Variants in LARS2 observed in about 807,000 individuals in gnomAD.
LARS2 encodes leucyl-tRNA synthetase 2, mitochondrial.
In LARS2, 81 loss-of-function variants were observed where a neutral mutation model predicts 116.6. The ratio of observed to expected loss-of-function variants is 0.69; its 90% confidence interval spans 0.58 to 0.84. The LOEUF (loss-of-function observed/expected upper bound fraction) is 0.84, where lower values mean the gene tolerates loss of function less well. Among genes scored for constraint, LARS2 ranks in the 40% least tolerant of loss-of-function variants. The pLI, the probability that LARS2 is intolerant of heterozygous loss-of-function variation, is 0.00. For synonymous variants in LARS2, 396 were observed against 407.2 expected, an observed-to-expected ratio of 0.97 and a Z score of 0.33; for missense variants, 968 against 1,114.5, an observed-to-expected ratio of 0.87 and a Z score of 1.87.
chr3:45,485,900 G>T, intron 11 of LARS2, 104 bp downstream of exon 11: 1 of 613,976 alleles, frequency 1.6e-6, no homozygotes, highest in South Asian at 2.2e-5. Flanking sequence ...TAGATTCCAT[G>T]GTCTGATTTG....
At chr3:45,512,201 T>C (rs1700301754) in intron 15 of LARS2, among the ~76,000 whole-genome samples, 1 of 152,160 alleles carries the variant, frequency 6.6e-6, no homozygotes, top group South Asian at 2.1e-4. Flanking sequence ...ACTGGTGATG[T>C]TTGTGGGGAA....
intron 6 of LARS2, among the ~76,000 whole-genome samples, chr3:45,420,021 A>G (rs2125688193): frequency 6.6e-6 from 1 of 152,380 alleles, no homozygotes; most frequent in Middle Eastern, 3.4e-3. Flanking sequence ...CAATAGTTTT[A>G]AAAGACTGTT....
chr3:45,452,426 G>A (rs1699149345), intron 7 of LARS2, among the ~76,000 whole-genome samples: 1 of 151,494 alleles, frequency 6.6e-6, no homozygotes. Context: ...TTTATTGAAT[G>A]CTTTTTTAGC....
chr3:45,412,068 C>T (rs1001882568), intron 4 of LARS2, among the ~76,000 whole-genome samples: 1 of 152,176 alleles, frequency 6.6e-6, no homozygotes, highest in Non-Finnish European at 1.5e-5. Flanking sequence ...AAACGTACCA[C>T]ATTTTCTTTA....
chr3:45,466,645 A>G (rs1186003207), intron 8 of LARS2, among the ~76,000 whole-genome samples: 1 of 152,056 alleles, frequency 6.6e-6, no homozygotes, highest in East Asian at 1.9e-4. Flanking sequence ...ATCTTATTAT[A>G]TAATTGAGGT....
At chr3:45,474,699 A>G (rs1164057828) in intron 9 of LARS2, among the ~76,000 whole-genome samples, 1 of 152,224 alleles carries the variant, frequency 6.6e-6, no homozygotes, top group Non-Finnish European at 1.5e-5. Flanking sequence ...ATTCATAGCC[A>G]CATATTGCTA....
intron 12 of LARS2, among the ~76,000 whole-genome samples, chr3:45,489,191 T>C (rs1299165496): frequency 6.6e-6 from 1 of 152,188 alleles, no homozygotes; most frequent in Non-Finnish European, 1.5e-5. Flanking sequence ...AACTCACTTA[T>C]AGAAATGAAC....
chr3:45,392,046 G>T (rs1575224512), intron 2 of LARS2, among the ~76,000 whole-genome samples: 1 of 152,306 alleles, frequency 6.6e-6, no homozygotes, highest in South Asian at 2.1e-4. Context: ...TCTTTGGCTT[G>T]CAAAGGTATG....
At chr3:45,427,824 T>TC (rs1411187931) in intron 6 of LARS2, among the ~76,000 whole-genome samples, 4 of 125,616 alleles carry the variant, frequency 3.2e-5, no homozygotes, top group African/African-American at 8.9e-5. Flanking sequence ...TCCTTTTTTT[T>TC]CTTTTTTTTT....
intron 8 of LARS2, among the ~76,000 whole-genome samples, chr3:45,462,321 G>A (rs1305075465): frequency 4.6e-5 from 7 of 152,136 alleles, no homozygotes; most frequent in African/African-American, 1.7e-4. Flanking sequence ...CGTGGCTCAT[G>A]CCTGTAATCT....
intron 6 of LARS2, among the ~76,000 whole-genome samples, chr3:45,432,311 ACAGAC>A (rs1260666520): frequency 6.6e-6 from 1 of 152,134 alleles, no homozygotes; most frequent in Non-Finnish European, 1.5e-5. Context: ...ACTAGGTCTA[ACAGAC>A]ACACAGAACA....
intron 13 of LARS2, among the ~76,000 whole-genome samples, chr3:45,492,907 G>A (rs1008525584): frequency 1.3e-5 from 2 of 152,214 alleles, no homozygotes; most frequent in South Asian, 4.1e-4. Context: ...GGGTAGAAAT[G>A]TTGGCTCCAG....
intron 21 of LARS2, among the ~76,000 whole-genome samples, chr3:45,546,183 C>G (rs898727783): frequency 1.3e-5 from 2 of 152,134 alleles, no homozygotes; most frequent in African/African-American, 4.8e-5. Flanking sequence ...GTTGGGGACC[C>G]CAGGACTTCA....
At chr3:45,493,547 T>C (rs1448611379) in intron 13 of LARS2, among the ~76,000 whole-genome samples, 1 of 152,186 alleles carries the variant, frequency 6.6e-6, no homozygotes, top group Non-Finnish European at 1.5e-5. Context: ...ACAAGGTTCT[T>C]AACCTCTCTG....
At chr3:45,519,490 CAAAA>C (rs373279726) in intron 18 of LARS2, among the ~76,000 whole-genome samples, 1 of 105,884 alleles carries the variant, frequency 9.4e-6, no homozygotes. Context: ...GTCTCCGTCT[CAAAA>C]AAAAAAAAAA....
chr3:45,458,704 C>A, intron 7 of LARS2, 39 bp from the exon 8 acceptor site: 1 of 1,603,108 alleles, frequency 6.2e-7, no homozygotes, highest in Non-Finnish European at 8.5e-7. Flanking sequence ...AAAAAGAGTA[C>A]TCACCAGATT....
chr3:45,533,519 T>A (rs1444143518), intron 20 of LARS2, among the ~76,000 whole-genome samples: 4 of 152,210 alleles, frequency 2.6e-5, no homozygotes, highest in African/African-American at 9.6e-5. Context: ...CTGATCCAAT[T>A]TGTGATAAAC....
intron 11 of LARS2, among the ~76,000 whole-genome samples, chr3:45,487,769 G>A (rs1699840501): frequency 1.7e-5 from 1 of 57,528 alleles, no homozygotes; most frequent in Non-Finnish European, 6.8e-5. Context: ...CAAAGAGCTG[G>A]GGGGAAAAGA....
At chr3:45,399,880 G>A (rs1234580129) in intron 3 of LARS2, among the ~76,000 whole-genome samples, 1 of 151,730 alleles carries the variant, frequency 6.6e-6, no homozygotes, top group African/African-American at 2.4e-5. Flanking sequence ...AACATAAGAT[G>A]TTTGGTTTTC....
Sources: allele counts gnomAD v4.1 joint callset (sites outside exome capture counted in the v4.1 genomes callset), GRCh38; gene constraint gnomAD v4.1.1; transcripts MANE v1.5; gene names NCBI Gene and HGNC (gene_info 2026-07-23, HGNC 2026-07-21).